CDH11: variants seen among roughly 807,000 people sequenced by gnomAD.
CDH11 encodes the protein cadherin 11.
CDH11 carries 11 observed loss-of-function variants against 67.8 expected under a neutral mutation model. The ratio of observed to expected loss-of-function variants is 0.16; its 90% CI spans 0.10 to 0.27. CDH11 has a LOEUF of 0.27. CDH11 is among the 10% of genes least tolerant of loss of function. CDH11 has a pLI of 1.00. For missense variants in CDH11, 847 were observed against 1,031.2 expected, an observed-to-expected ratio of 0.82 and a Z score of 2.45; for synonymous variants, 419 against 400.0, an observed-to-expected ratio of 1.05 and a Z score of -0.57.
At chr16:65,093,427 C>T (rs560304932) in intron 1 of CDH11, among the ~76,000 whole-genome samples, 2 of 152,118 alleles carry the variant, frequency 1.3e-5, no homozygotes, top group South Asian at 4.2e-4. Flanking sequence ...GAACTCAAGG[C>T]TCTCAGTGGC....
chr16:65,010,642 C>A (rs2073157042), intron 2 of CDH11, among the ~76,000 whole-genome samples: 1 of 152,034 alleles, frequency 6.6e-6, no homozygotes, highest in Admixed American at 6.6e-5. Context: ...AATAAGGCCC[C>A]TTATCAAAGA....
intron 1 of CDH11, among the ~76,000 whole-genome samples, chr16:65,102,493 G>A (rs1420206348): frequency 6.6e-6 from 1 of 152,218 alleles, no homozygotes; most frequent in African/African-American, 2.4e-5. Context: ...ACTCATGACT[G>A]TAATACATTA....
At chr16:65,114,068 T>C (rs1315289178) in intron 1 of CDH11, among the ~76,000 whole-genome samples, 1 of 152,160 alleles carries the variant, frequency 6.6e-6, no homozygotes, top group African/African-American at 2.4e-5. Flanking sequence ...ATAAAGGTTA[T>C]TTCAGCTCCT....
chr16:65,011,037 GTATATGTA>G (rs1374588889), intron 2 of CDH11, among the ~76,000 whole-genome samples: 6 of 142,596 alleles, frequency 4.2e-5, no homozygotes, highest in Admixed American at 7.1e-5. Context: ...ACACACATAT[GTATATGTA>G]TATATGTATA....
chr16:65,000,194 A>C (rs183724690), intron 3 of CDH11, among the ~76,000 whole-genome samples: 18 of 152,302 alleles, frequency 1.2e-4, no homozygotes, highest in African/African-American at 3.8e-4. Context: ...CTTAACTACC[A>C]ATCATCTTCT....
intron 3 of CDH11, among the ~76,000 whole-genome samples, chr16:64,999,622 C>T (rs2072867255): frequency 6.6e-6 from 1 of 152,122 alleles, no homozygotes; most frequent in Non-Finnish European, 1.5e-5. Context: ...CAGCCTCTGC[C>T]TCCCATGTTC....
At chr16:65,035,321 G>C (rs543314247) in intron 2 of CDH11, among the ~76,000 whole-genome samples, 3 of 152,172 alleles carry the variant, frequency 2.0e-5, no homozygotes, top group Admixed American at 1.3e-4. Context: ...ACAAATGAGC[G>C]AAGTGAGGTT....
intron 1 of CDH11, among the ~76,000 whole-genome samples, chr16:65,099,697 A>C (rs1048927665): frequency 6.6e-6 from 1 of 152,206 alleles, no homozygotes; most frequent in African/African-American, 2.4e-5. Flanking sequence ...TGTAAATGGA[A>C]ATGTAGAAAT....
intron 2 of CDH11, among the ~76,000 whole-genome samples, chr16:65,024,384 T>G (rs2073490734): frequency 6.6e-6 from 1 of 152,138 alleles, no homozygotes; most frequent in African/African-American, 2.4e-5. Context: ...AAAAATTCCA[T>G]TACCCAGGCC....
chr16:65,095,229 C>T (rs16968465), intron 1 of CDH11, among the ~76,000 whole-genome samples: 9,781 of 152,094 alleles, frequency 0.064, 519 homozygotes, highest in African/African-American at 0.15. Context: ...GAATTACAAG[C>T]ATTGGTGGCA....
chr16:65,006,681 G>T (rs1454064685), intron 2 of CDH11, among the ~76,000 whole-genome samples: 1 of 152,138 alleles, frequency 6.6e-6, no homozygotes, highest in Non-Finnish European at 1.5e-5. Context: ...GATGGTTACT[G>T]AAATATTTAC....
intron 1 of CDH11, among the ~76,000 whole-genome samples, chr16:65,084,229 C>T (rs995505224): frequency 6.6e-6 from 1 of 152,176 alleles, no homozygotes; most frequent in East Asian, 1.9e-4. Flanking sequence ...TGGCTCACAT[C>T]TCTAATCCCT....
At chr16:65,078,855 C>T (rs2074560734) in intron 1 of CDH11, among the ~76,000 whole-genome samples, 1 of 152,178 alleles carries the variant, frequency 6.6e-6, no homozygotes, top group Non-Finnish European at 1.5e-5. Context: ...GAATGTCAAC[C>T]AGAACCTGGG....
At chr16:65,055,504 C>T (rs1447390511) in intron 1 of CDH11, among the ~76,000 whole-genome samples, 4 of 152,180 alleles carry the variant, frequency 2.6e-5, no homozygotes, top group Non-Finnish European at 5.9e-5. Flanking sequence ...CTATCCTACA[C>T]CTGTCCCACC....
Position 64,944,280 on chromosome 16 carries a change from T to C in CDH11, c.*3323A>G. The C allele has an allele frequency of 4.3e-6, 1 of 233,230 alleles. No homozygotes were observed. 14.4% of individuals were successfully genotyped at this position (233,230 alleles called of 1,614,324 possible). On this transcript the variant is annotated 3_prime_UTR_variant, in exon 13 of 13. Coordinates refer to ENST00000268603, the MANE Select transcript of CDH11 (RefSeq NM_001797.4). ...GTGAGCCAAGAGGTGGGGTCAGTCT[T>C]CCGGGTCAGAGATGACCATGGCCCA...
intron 2 of CDH11, among the ~76,000 whole-genome samples, chr16:65,014,467 T>C (rs1474840615): frequency 6.6e-6 from 1 of 152,174 alleles, no homozygotes; most frequent in Non-Finnish European, 1.5e-5. Flanking sequence ...CGAATGTACA[T>C]TTTATATTTA....
intron 1 of CDH11, among the ~76,000 whole-genome samples, chr16:65,082,031 A>C (rs1052248853): frequency 7.2e-5 from 11 of 152,148 alleles, no homozygotes; most frequent in Admixed American, 2.6e-4. Context: ...GAGCTGCCTA[A>C]CAGGCTCTCA....
intron 1 of CDH11, among the ~76,000 whole-genome samples, chr16:65,103,366 T>C: frequency 6.6e-6 from 1 of 152,208 alleles, no homozygotes. Context: ...AGAATTGTTA[T>C]ATTAATGGTA....
rs768855337 is a variant in CDH11, at chr16:64,947,931, T to C, written c.2063A>G (p.Asn688Ser). 2.5e-6 allele frequency: 4 copies of C among 1,614,054 alleles called. No homozygotes were observed. The highest frequency in any genetic ancestry group is 1.3e-5 in the African/African-American group (1 of 74,932). The change falls in exon 13 of 13, where the codon AAT becomes AGT. Residue 688 changes from asparagine to serine, a missense_variant. Physicochemically the swap from Asn to Ser is conservative, Grantham distance 46 (BLOSUM62 1). Coordinates refer to ENST00000268603, the MANE Select transcript of CDH11 (RefSeq NM_001797.4). Reference sequence around the variant, plus strand: ...GATGTCTTTGCGGGGGATAAATCCATTGATACCATCAGGATTCTGGAGGGT... The same window carrying C: ...GATGTCTTTGCGGGGGATAAATCCACTGATACCATCAGGATTCTGGAGGGT... ...IATLQNPDGI[N>S]GFIPRKDIKP...
Sources: gnomAD v4.1 joint callset for allele counts (sites outside exome capture counted in the v4.1 genomes callset) on GRCh38, gnomAD v4.1.1 for gene constraint, MANE v1.5 for transcripts, NCBI Gene and HGNC (gene_info 2026-07-23, HGNC 2026-07-21) for gene names.